Variants in DOCK5 observed in about 807,000 individuals in gnomAD.
DOCK5 encodes the protein dedicator of cytokinesis protein 5.
In DOCK5, 142 loss-of-function variants were observed where a neutral mutation model predicts 251.8. The observed-to-expected ratio is 0.56, with a 90% CI of 0.49 to 0.65. The LOEUF (loss-of-function observed/expected upper bound fraction) is 0.65, where lower values mean the gene tolerates loss of function less well. Ranked by LOEUF, DOCK5 falls within the 30% of genes least tolerant of loss-of-function variation. DOCK5 has a pLI of 0.00. For missense variants in DOCK5, 2,111 were observed against 2,312.3 expected, an observed-to-expected ratio of 0.91 and a Z score of 1.79; for synonymous variants, 842 against 835.5, an observed-to-expected ratio of 1.01 and a Z score of -0.13.
At chr8:25,216,954 T>G (rs528509517) in intron 1 of DOCK5, among the ~76,000 whole-genome samples, 1 of 67,692 alleles carries the variant, frequency 1.5e-5, no homozygotes, top group Non-Finnish European at 2.7e-5. Flanking sequence ...GTATACAATA[T>G]GTATAGATGT....
chr8:25,327,638 C>T (rs1407343073), intron 18 of DOCK5, among the ~76,000 whole-genome samples: 2 of 152,182 alleles, frequency 1.3e-5, no homozygotes, highest in Non-Finnish European at 2.9e-5. Flanking sequence ...ATCTACTTCA[C>T]CCCATCTTCT....
intron 8 of DOCK5, 62 bp downstream of exon 8, chr8:25,299,163 C>G: frequency 1.9e-6 from 3 of 1,551,216 alleles, no homozygotes; most frequent in South Asian, 1.2e-5. Context: ...TCCCCTGACC[C>G]CTACCCGGGC....
At chr8:25,390,100 T>G in intron 41 of DOCK5, 106 bp from the exon 42 acceptor site, 1 of 844,890 alleles carries the variant, frequency 1.2e-6, no homozygotes, top group Non-Finnish European at 1.8e-6. Flanking sequence ...AAGGGAGTGA[T>G]TGGTGCTGGT....
chr8:25,192,290 A>G (rs1410252190), intron 1 of DOCK5, among the ~76,000 whole-genome samples: 1 of 152,148 alleles, frequency 6.6e-6, no homozygotes, highest in Non-Finnish European at 1.5e-5. Flanking sequence ...ATACCCAGTA[A>G]TGGGATGGCT....
At chr8:25,247,932 T>C (rs1248754720) in intron 2 of DOCK5, among the ~76,000 whole-genome samples, 1 of 152,066 alleles carries the variant, frequency 6.6e-6, no homozygotes, top group African/African-American at 2.4e-5. Context: ...GAAACCGCTC[T>C]TCTTAACTGC....
chr8:25,359,162 C>A, intron 28 of DOCK5, 101 bp downstream of exon 28: 1 of 978,038 alleles, frequency 1.0e-6, no homozygotes. Flanking sequence ...TCTCTTCCCA[C>A]GCACCTCCGG....
At chr8:25,273,405 C>T (rs953026118) in intron 3 of DOCK5, among the ~76,000 whole-genome samples, 3 of 152,178 alleles carry the variant, frequency 2.0e-5, no homozygotes, top group Non-Finnish European at 4.4e-5. Context: ...GAAGACCAGC[C>T]TGGCCTGGCC....
At chr8:25,250,809 T>G (rs1803248598) in intron 2 of DOCK5, among the ~76,000 whole-genome samples, 1 of 152,100 alleles carries the variant, frequency 6.6e-6, no homozygotes. Flanking sequence ...AGGCCAGAGG[T>G]GGAGGACAGC....
At position 25,184,837 on chromosome 8, in the gene DOCK5, GGGCGGC is replaced by G; in HGVS notation, c.-65_-60del. 1 of 1,246,642 alleles carries G rather than the reference GGGCGGC, an allele frequency of 8.0e-7. No homozygotes were observed. Among genetic ancestry groups the G allele is most frequent in the Non-Finnish European group, 1.0e-6 (1 of 980,490 alleles). The allele number at this position is 1,246,642 out of a possible 1,614,324, so 77.2% of individuals were successfully genotyped here. A position where few individuals can be genotyped will look rare whatever the true frequency, so the allele number is the denominator to read the frequency against. On this transcript the variant is annotated 5_prime_UTR_variant, in exon 1 of 52. Transcript: ENST00000276440. ...AGCGTCTGGGGCACGCAGGAGCGCG[GGGCGGC>G]GGCGGCCGGAGCCCGAGGAGCTGTA...
chr8:25,289,698 TG>T (rs879908146), intron 5 of DOCK5, among the ~76,000 whole-genome samples: 13 of 151,716 alleles, frequency 8.6e-5, no homozygotes, highest in Admixed American at 2.6e-4. Flanking sequence ...CAAAATTAGC[TG>T]GGCGTGGTGG....
At chr8:25,214,170 C>A (rs1802170835) in intron 1 of DOCK5, among the ~76,000 whole-genome samples, 1 of 152,184 alleles carries the variant, frequency 6.6e-6, no homozygotes, top group African/African-American at 2.4e-5. Context: ...GATTTTGGAG[C>A]ATTTTGGAGT....
At chr8:25,316,905 C>A in intron 13 of DOCK5, 102 bp from the exon 14 acceptor site, 1 of 1,443,286 alleles carries the variant, frequency 6.9e-7, no homozygotes, top group Non-Finnish European at 9.4e-7. Flanking sequence ...CAGTATAAAA[C>A]CAGACCATTT....
At chr8:25,231,071 T>C (rs969547394) in intron 1 of DOCK5, among the ~76,000 whole-genome samples, 10 of 152,148 alleles carry the variant, frequency 6.6e-5, no homozygotes, top group African/African-American at 2.4e-4. Flanking sequence ...CCTCCTTTTT[T>C]TTCTGTAGTT....
chr8:25,225,770 G>A (rs1802516655), intron 1 of DOCK5, among the ~76,000 whole-genome samples: 1 of 151,810 alleles, frequency 6.6e-6, no homozygotes, highest in South Asian at 2.1e-4. Context: ...AGGACGTTAT[G>A]CTAAGTGAAA....
chr8:25,254,804 A>G (rs111820622), intron 2 of DOCK5, among the ~76,000 whole-genome samples: 2,508 of 145,626 alleles, frequency 0.017, 294 homozygotes, highest in African/African-American at 0.063. Flanking sequence ...AAAAAAAAAA[A>G]ACATTTGATA....
chr8:25,267,948 C>T (rs539722255), intron 2 of DOCK5, among the ~76,000 whole-genome samples: 38 of 152,002 alleles, frequency 2.5e-4, no homozygotes, highest in Non-Finnish European at 4.1e-4. Context: ...CTGCAACCTC[C>T]GCCTCCCAGG....
At position 25,308,580 on chromosome 8, in the gene DOCK5, C is replaced by T. The variant is rs148313194; in HGVS notation, c.1050-203C>T. On this transcript the variant is annotated intron_variant, in intron 11 of 51. Transcript: ENST00000276440. ...TGTGTACTCTTGGGTTTTTTTCCTC[C>T]CTCTTTGCCTCAAGTCATTTCCAAG... Among the ~76,000 whole-genome samples the T allele has an allele frequency of 2.2e-4, 33 of 152,194 alleles. 1 individual carries two copies. The highest frequency in any genetic ancestry group is 6.3e-4 in the African/African-American group (26 of 41,534).
At chr8:25,265,756 G>T (rs1206470535) in intron 2 of DOCK5, among the ~76,000 whole-genome samples, 2 of 151,890 alleles carry the variant, frequency 1.3e-5, no homozygotes, top group Non-Finnish European at 2.9e-5. Flanking sequence ...AGATCTGTTG[G>T]ACAGAAAGTG....
At chr8:25,320,015 C>T (rs1464890703) in intron 15 of DOCK5, among the ~76,000 whole-genome samples, 2 of 152,182 alleles carry the variant, frequency 1.3e-5, no homozygotes, top group African/African-American at 4.8e-5. Flanking sequence ...GTGTTCTGGG[C>T]CTCTTTTCAA....
Sources: gnomAD v4.1 joint callset for allele counts (sites outside exome capture counted in the v4.1 genomes callset) on GRCh38, gnomAD v4.1.1 for gene constraint, MANE v1.5 for transcripts, NCBI Gene and HGNC (gene_info 2026-07-23, HGNC 2026-07-21) for gene names.